The following SCLT1 variants were observed in gnomAD, a reference collection of about 807,000 sequenced individuals.
SCLT1 encodes the protein sodium channel and clathrin linker 1, also known as sodium channel-associated protein 1.
In SCLT1, 78 loss-of-function variants were observed where a neutral mutation model predicts 112.8. The observed-to-expected ratio is 0.69, with a 90% CI of 0.58 to 0.83. The LOEUF (loss-of-function observed/expected upper bound fraction) is 0.83, where lower values mean the gene tolerates loss of function less well. Among genes scored for constraint, SCLT1 ranks in the 40% least tolerant of loss-of-function variants. The pLI, the probability that SCLT1 is intolerant of heterozygous loss-of-function variation, is 0.00. For missense variants in SCLT1, 747 were observed against 770.4 expected, an observed-to-expected ratio of 0.97 and a Z score of 0.36; for synonymous variants, 257 against 254.7, an observed-to-expected ratio of 1.01 and a Z score of -0.09.
At chr4:128,974,561 C>T (rs945246835) in intron 9 of SCLT1, among the ~76,000 whole-genome samples, 9 of 152,066 alleles carry the variant, frequency 5.9e-5, no homozygotes, top group Admixed American at 6.6e-5. Flanking sequence ...GTGTTCTGGA[C>T]GCTAGATGCT....
intron 12 of SCLT1, among the ~76,000 whole-genome samples, chr4:128,958,426 GA>G (rs1739394713): frequency 1.3e-5 from 2 of 152,156 alleles, no homozygotes; most frequent in Non-Finnish European, 2.9e-5. Flanking sequence ...ATTAAGCAAT[GA>G]GTCAAAGAGC....
downstream of SCLT1, among the ~76,000 whole-genome samples, chr4:128,883,126 T>C (rs931187408): frequency 2.4e-5 from 3 of 127,414 alleles, no homozygotes; most frequent in Admixed American, 3.0e-4. Context: ...AGCCTGGTGA[T>C]GGAGTGAGAC....
At chr4:128,906,970 T>C (rs1417095892) in intron 18 of SCLT1, among the ~76,000 whole-genome samples, 1 of 152,200 alleles carries the variant, frequency 6.6e-6, no homozygotes, top group East Asian at 1.9e-4. Flanking sequence ...AGTAGACTTT[T>C]AAGCTGATAT....
At chr4:129,031,243 C>T (rs972053568) in intron 5 of SCLT1, among the ~76,000 whole-genome samples, 3 of 152,026 alleles carry the variant, frequency 2.0e-5, no homozygotes, top group African/African-American at 7.2e-5. Context: ...GCAGAAAAGG[C>T]CTTTGATAAA....
In SCLT1 at chr4:128,967,876, G is replaced by C. The variant is rs193237614; in HGVS notation, c.777+2502C>G. ...AATTAGGTCCCACTTGTCAATTTTT[G>C]CTTTTTGTTGGAATTGCTTTTGGAG... On this transcript the variant is annotated intron_variant, in intron 10 of 20. Transcript: ENST00000281142. 2.6e-4 allele frequency among the ~76,000 whole-genome samples: 40 copies of C among 152,062 alleles called. 1 individual carries two copies. In the East Asian group the frequency reaches 7.3e-3, roughly 28 times the overall value.
intron 16 of SCLT1, chr4:128,944,894 C>A (rs1291483362): frequency 6.6e-6 from 1 of 152,052 alleles, no homozygotes; most frequent in Non-Finnish European, 1.5e-5. Flanking sequence ...GAAAAGGACT[C>A]ATATTGGAAA....
chr4:128,933,778 T>G (rs1736967175), intron 18 of SCLT1, among the ~76,000 whole-genome samples: 1 of 152,126 alleles, frequency 6.6e-6, no homozygotes. Flanking sequence ...GTTTCTTCTC[T>G]TTTATGATGA....
chr4:129,022,273 C>A (rs893082219), intron 5 of SCLT1, among the ~76,000 whole-genome samples: 1 of 152,062 alleles, frequency 6.6e-6, no homozygotes, highest in Non-Finnish European at 1.5e-5. Flanking sequence ...AACAAGAGCA[C>A]AAAACTGGAC....
At chr4:129,038,638 CA>C (rs1225710274) in intron 5 of SCLT1, among the ~76,000 whole-genome samples, 4 of 152,104 alleles carry the variant, frequency 2.6e-5, no homozygotes, top group Non-Finnish European at 4.4e-5. Context: ...GCACTGGCAA[CA>C]TTTTAACATT....
intron 5 of SCLT1, chr4:129,038,106 C>G (rs1346976026): frequency 6.5e-6 from 1 of 153,742 alleles, no homozygotes; most frequent in Non-Finnish European, 1.5e-5. Flanking sequence ...TGCACTCCAG[C>G]CTGGGAGACA....
chr4:129,000,892 C>T (rs1743418899), intron 6 of SCLT1, among the ~76,000 whole-genome samples: 1 of 151,766 alleles, frequency 6.6e-6, no homozygotes, highest in Admixed American at 6.6e-5. Flanking sequence ...ATACTCTTCT[C>T]CTAAATAACC....
At chr4:128,914,908 G>A (rs1484117638) in intron 18 of SCLT1, among the ~76,000 whole-genome samples, 1 of 151,994 alleles carries the variant, frequency 6.6e-6, no homozygotes, top group African/African-American at 2.4e-5. Context: ...AGATTGATGA[G>A]GTTTTTTGAC....
chr4:129,049,373 G>A (rs1051050415), intron 2 of SCLT1, among the ~76,000 whole-genome samples: 14 of 150,280 alleles, frequency 9.3e-5, no homozygotes, highest in Admixed American at 5.3e-4. Context: ...GCAAACTATC[G>A]CAAGGACAAA....
chr4:128,898,239 T>C (rs1254009085), intron 18 of SCLT1, among the ~76,000 whole-genome samples: 4 of 152,120 alleles, frequency 2.6e-5, no homozygotes, highest in Admixed American at 1.3e-4. Context: ...AGCACCACAC[T>C]GCACTTATTC....
chr4:129,093,293 A>T lies in SCLT1; in HGVS notation c.-190T>A. 1.6e-6 allele frequency: 1 copy of T among 617,198 alleles called. No homozygotes were observed. The highest frequency in any genetic ancestry group is 2.8e-5 in the Admixed American group (1 of 35,914). The allele number at this position is 617,198 out of a possible 1,614,324, so 38.2% of individuals were successfully genotyped here. On this transcript the variant is annotated 5_prime_UTR_variant, in exon 1 of 21. Transcript: ENST00000281142. ...GCTTCTTTCCCCCGCGCCCCAGACG[A>T]GTCCCTGGCCCTGGTGAGAGACTGA...
rs1243243926 is a variant in SCLT1, at chr4:128,984,927, T to C, written c.686+7240A>G. On this transcript the variant is annotated intron_variant, in intron 9 of 20. Transcript: ENST00000281142. ...GATATACACATTTACTGGTAAAATATATATTGTTATTACAAGCATATGTTT... is the reference window on the plus strand; with the variant it reads ...GATATACACATTTACTGGTAAAATACATATTGTTATTACAAGCATATGTTT... Among the ~76,000 whole-genome samples, 6 of 150,238 alleles carry C rather than the reference T, an allele frequency of 4.0e-5. No homozygotes were observed. The East Asian group carries it at 9.7e-4, about 24-fold the overall frequency.
At chr4:128,933,347 A>G (rs1736925975) in intron 18 of SCLT1, among the ~76,000 whole-genome samples, 1 of 152,112 alleles carries the variant, frequency 6.6e-6, no homozygotes, top group Non-Finnish European at 1.5e-5. Flanking sequence ...TCTTTACTTA[A>G]AACCATTTTG....
chr4:128,977,556 G>A (rs978778207), intron 9 of SCLT1, among the ~76,000 whole-genome samples: 5 of 152,164 alleles, frequency 3.3e-5, no homozygotes, highest in Admixed American at 6.5e-5. Flanking sequence ...AGGGAAATAG[G>A]AAAGACATGG....
Position 129,093,069 on chromosome 4 carries a change from C to A in SCLT1, c.34+1G>T. On this transcript the variant is annotated splice_donor_variant, in intron 1 of 20. Transcript: ENST00000281142. LOFTEE classifies it high-confidence loss of function. ...AAGTCTCAAAAAAACATGGAGCTTACTTTGCTCTCTCAGAAAGTCGATTTC... is the reference window on the plus strand; with the variant it reads ...AAGTCTCAAAAAAACATGGAGCTTAATTTGCTCTCTCAGAAAGTCGATTTC... 6.2e-7 allele frequency: 1 copy of A among 1,609,936 alleles called. No individual in the cohort carries two copies. Among genetic ancestry groups the A allele is most frequent in the Non-Finnish European group, 8.5e-7 (1 of 1,176,106 alleles).
Sources: allele counts gnomAD v4.1 joint callset (sites outside exome capture counted in the v4.1 genomes callset), GRCh38; gene constraint gnomAD v4.1.1; transcripts MANE v1.5; gene names NCBI Gene and HGNC (gene_info 2026-07-23, HGNC 2026-07-21).